EYS: variants seen among roughly 807,000 people sequenced by gnomAD.
EYS encodes protein eyes shut homolog.
A neutral mutation model predicts 282.1 loss-of-function variants in EYS; 250 were observed. The observed-to-expected ratio is 0.89, with a 90% confidence interval of 0.80 to 0.98. The LOEUF (loss-of-function observed/expected upper bound fraction) is 0.98, where lower values mean the gene tolerates loss of function less well. EYS is among the 50% of genes least tolerant of loss of function. EYS has a pLI of 0.00. For missense variants in EYS, 4,016 were observed against 3,709.0 expected, an observed-to-expected ratio of 1.08 and a Z score of -2.15; for synonymous variants, 1,355 against 1,282.9, an observed-to-expected ratio of 1.06 and a Z score of -1.20.
intron 31 of EYS, among the ~76,000 whole-genome samples, chr6:64,107,257 A>ATG (rs1444580078): frequency 6.3e-4 from 78 of 123,464 alleles, no homozygotes; most frequent in African/African-American, 2.5e-3. Context: ...ATATATATAT[A>ATG]TATGTGTGTG....
chr6:64,158,605 T>C (rs1775005482), intron 31 of EYS, among the ~76,000 whole-genome samples: 1 of 152,216 alleles, frequency 6.6e-6, no homozygotes, highest in South Asian at 2.1e-4. Context: ...TGAGCACTTT[T>C]CTGTCACTAA....
intron 22 of EYS, among the ~76,000 whole-genome samples, chr6:64,790,285 C>T (rs1774150301): frequency 1.3e-5 from 2 of 151,890 alleles, no homozygotes; most frequent in Admixed American, 1.3e-4. Context: ...TACCAAACAT[C>T]AGCGGCATGC....
At chr6:64,752,100 C>A (rs1035586110) in intron 22 of EYS, among the ~76,000 whole-genome samples, 6 of 151,624 alleles carry the variant, frequency 4.0e-5, no homozygotes, top group African/African-American at 1.5e-4. Context: ...ACAAACAAAC[C>A]GTGTTACAAG....
chr6:65,533,401 A>C (rs1767853258), intron 2 of EYS, among the ~76,000 whole-genome samples: 1 of 152,146 alleles, frequency 6.6e-6, no homozygotes, highest in Non-Finnish European at 1.5e-5. Context: ...ATTCTACCAC[A>C]GGTACCAAGA....
intron 24 of EYS, among the ~76,000 whole-genome samples, chr6:64,611,567 A>T (rs956564074): frequency 6.6e-5 from 10 of 152,176 alleles, no homozygotes; most frequent in Non-Finnish European, 1.5e-4. Context: ...TTGGATAACA[A>T]ACTGAAACTA....
intron 12 of EYS, among the ~76,000 whole-genome samples, chr6:65,166,972 G>T (rs1472148550): frequency 3.3e-5 from 5 of 151,106 alleles, no homozygotes; most frequent in Non-Finnish European, 7.4e-5. Context: ...TAGAGAAAAT[G>T]CAAAACAAAA....
At chr6:65,701,830 G>C (rs1421452180) in intron 1 of EYS, among the ~76,000 whole-genome samples, 2 of 152,144 alleles carry the variant, frequency 1.3e-5, no homozygotes, top group Non-Finnish European at 1.5e-5. Flanking sequence ...TATATATAGA[G>C]AGAGTTTTTT....
chr6:64,724,367 G>T (rs1030205486), intron 22 of EYS, among the ~76,000 whole-genome samples: 1 of 152,086 alleles, frequency 6.6e-6, no homozygotes, highest in African/African-American at 2.4e-5. Flanking sequence ...AAACTGCTTT[G>T]GATAGCTTTC....
At chr6:65,236,884 T>C (rs897240788) in intron 12 of EYS, among the ~76,000 whole-genome samples, 1 of 152,312 alleles carries the variant, frequency 6.6e-6, no homozygotes, top group East Asian at 1.9e-4. Flanking sequence ...TCTCTTTATC[T>C]TTTCTTTGGC....
intron 29 of EYS, among the ~76,000 whole-genome samples, chr6:64,361,181 C>T (rs1266281778): frequency 6.8e-6 from 1 of 148,050 alleles, no homozygotes; most frequent in Non-Finnish European, 1.5e-5. Context: ...TTAGATAAAA[C>T]TTTTCTTTAT....
intron 26 of EYS, among the ~76,000 whole-genome samples, chr6:64,453,534 G>A (rs1323804075): frequency 6.6e-6 from 1 of 152,134 alleles, no homozygotes; most frequent in Non-Finnish European, 1.5e-5. Context: ...TATAAATCAT[G>A]CTGCTATAAA....
intron 22 of EYS, among the ~76,000 whole-genome samples, chr6:64,705,291 C>T (rs965559683): frequency 1.3e-5 from 2 of 152,054 alleles, no homozygotes; most frequent in Non-Finnish European, 2.9e-5. Flanking sequence ...TGAAAAATGT[C>T]TGCAAGGGAA....
intron 31 of EYS, among the ~76,000 whole-genome samples, chr6:64,185,352 G>T (rs1210096809): frequency 1.4e-5 from 2 of 142,492 alleles, no homozygotes; most frequent in Non-Finnish European, 3.1e-5. Flanking sequence ...TTATCAGAAA[G>T]AAAAATACTG....
intron 31 of EYS, among the ~76,000 whole-genome samples, chr6:64,188,283 A>C (rs1765004704): frequency 6.6e-6 from 1 of 152,090 alleles, no homozygotes; most frequent in Non-Finnish European, 1.5e-5. Context: ...GAAAATTTGC[A>C]TGGAATTCCA....
chr6:64,431,207 T>C (rs1430560934), intron 28 of EYS, among the ~76,000 whole-genome samples: 1 of 152,242 alleles, frequency 6.6e-6, no homozygotes, highest in East Asian at 1.9e-4. Flanking sequence ...TAGACCTTTC[T>C]CTTTGGCTTG....
At chr6:65,456,843 C>A (rs1006170354) in intron 5 of EYS, among the ~76,000 whole-genome samples, 1 of 152,014 alleles carries the variant, frequency 6.6e-6, no homozygotes, top group African/African-American at 2.4e-5. Context: ...ATAAAATGTA[C>A]CCATATTAGA....
chr6:63,941,960 C>T (rs1765256075), intron 35 of EYS, among the ~76,000 whole-genome samples: 1 of 152,130 alleles, frequency 6.6e-6, no homozygotes, highest in Non-Finnish European at 1.5e-5. Flanking sequence ...TTTTAAAGTT[C>T]TTTTGATTTT....
Position 64,701,286 on chromosome 6 carries a change from G to T in EYS, c.3444-75041C>A, listed in dbSNP as rs1005608211. 5.9e-5 allele frequency among the ~76,000 whole-genome samples: 9 copies of T among 152,136 alleles called. No individual in the cohort carries two copies. The East Asian group carries it at 1.7e-3, about 29-fold the overall frequency. ...AAAAATACTAAAAGAAAACTTAAAA[G>T]AAATCTTGGATATTTGCCTAGGCAA... is the stretch of plus-strand genomic sequence containing the variant. On this transcript the variant is annotated intron_variant, in intron 22 of 42. Coordinates refer to ENST00000503581, the MANE Select transcript of EYS (RefSeq NM_001142800.2).
intron 24 of EYS, among the ~76,000 whole-genome samples, chr6:64,610,831 C>G (rs1014334048): frequency 1.3e-5 from 2 of 152,140 alleles, no homozygotes; most frequent in East Asian, 3.9e-4. Flanking sequence ...TTATTTAATA[C>G]AGAAAACTTC....
Sources: gnomAD v4.1 joint callset for allele counts (sites outside exome capture counted in the v4.1 genomes callset) on GRCh38, gnomAD v4.1.1 for gene constraint, MANE v1.5 for transcripts, NCBI Gene and HGNC (gene_info 2026-07-23, HGNC 2026-07-21) for gene names.